PCDHA4: variants seen among roughly 807,000 people sequenced by gnomAD.
PCDHA4 encodes the protein protocadherin alpha-4.
PCDHA4 carries 49 observed loss-of-function variants against 61.4 expected under a neutral mutation model. The ratio of observed to expected loss-of-function variants is 0.80; its 90% CI spans 0.63 to 1.01. PCDHA4 has a LOEUF of 1.01. PCDHA4 is among the 50% of genes least tolerant of loss of function. The probability of loss-of-function intolerance (pLI) is 0.00; values close to 1 mark genes in which losing one functional copy is unlikely to be tolerated. For synonymous variants in PCDHA4, 590 were observed against 550.3 expected (o/e 1.07, Z -1.01); for missense variants, 1,254 against 1,235.8 (o/e 1.01, Z -0.22).
At chr5:140,876,155 T>A in intron 1 of PCDHA4, 1 of 1,613,994 alleles carries the variant, frequency 6.2e-7, no homozygotes, top group Non-Finnish European at 8.5e-7. Context: ...TCTGTCCAGA[T>A]TCAAATAACC....
rs2150227697 is a variant in PCDHA4 at position 140,834,836 on chromosome 5, G to C, written c.2385+25264G>C. The C allele has an allele frequency of 8.1e-6, 13 of 1,611,678 alleles. No individual in the cohort carries two copies. In the African/African-American group the frequency reaches 9.4e-5, roughly 12 times the overall value. Reference sequence around the variant, plus strand: ...CGGAATCCAGGCCGCTTGACTCTCGGTTTCCACTAGAGGGCGCGTCCGATG... The same window carrying C: ...CGGAATCCAGGCCGCTTGACTCTCGCTTTCCACTAGAGGGCGCGTCCGATG... On this transcript the variant is annotated intron_variant, in intron 1 of 3. Coordinates refer to ENST00000530339, the MANE Select transcript of PCDHA4 (RefSeq NM_018907.4).
At chr5:140,838,971 A>C (rs139822450) in intron 1 of PCDHA4, among the ~76,000 whole-genome samples, 1 of 152,152 alleles carries the variant, frequency 6.6e-6, no homozygotes, top group East Asian at 1.9e-4. Context: ...CAGAACTGAC[A>C]ATTTTCACTG....
intron 1 of PCDHA4, among the ~76,000 whole-genome samples, chr5:140,903,138 A>T (rs188809018): frequency 6.6e-6 from 1 of 152,258 alleles, no homozygotes; most frequent in East Asian, 1.9e-4. Context: ...AAATCTCCAA[A>T]CTGTTTTCCA....
intron 3 of PCDHA4, among the ~76,000 whole-genome samples, chr5:140,988,691 G>A (rs1205492528): frequency 6.6e-6 from 1 of 152,114 alleles, no homozygotes; most frequent in African/African-American, 2.4e-5. Context: ...TTCCCTAGAC[G>A]CTCTGTATTT....
chr5:140,884,802 A>G, intron 1 of PCDHA4: 1 of 1,232,140 alleles, frequency 8.1e-7, no homozygotes, highest in Non-Finnish European at 1.1e-6. Flanking sequence ...GAATTTAACA[A>G]CTCTGCTGTG....
chr5:140,807,475 C>T lies in PCDHA4; in HGVS notation c.288C>T (p.Cys96=). 1 of 1,612,934 alleles carries T rather than the reference C, an allele frequency of 6.2e-7. No individual in the cohort carries two copies. The highest frequency in any genetic ancestry group is 2.2e-5 in the East Asian group (1 of 44,830). The change falls in exon 1 of 4, where the codon TGC becomes TGT. Residue 96 remains cysteine (C), a synonymous_variant. Transcript: ENST00000530339. ...CTCGGATCGACCGGGAGGAGCTGTG[C>T]CGGCGGAGCGCGGAGTGCAGCATCC... ...VNSRIDREEL[C]RRSAECSIHL...
chr5:140,918,503 C>G (rs2078725431), intron 1 of PCDHA4, among the ~76,000 whole-genome samples: 1 of 152,056 alleles, frequency 6.6e-6, no homozygotes, highest in Non-Finnish European at 1.5e-5. Flanking sequence ...GGTACCAATC[C>G]TTTTAAACTT....
Position 140,896,583 on chromosome 5 carries a change from GC to G in PCDHA4, c.2386-82364del, listed in dbSNP as rs1194968470. The stretch of plus-strand genomic sequence containing the variant: ...GTAGAGATGGGGTTTTGACGTGTTG[GC>G]CAGGCTGGTCTCGAACTCCTGGTCT... On this transcript the variant is annotated intron_variant, in intron 1 of 3. Coordinates refer to ENST00000530339, the MANE Select transcript of PCDHA4 (RefSeq NM_018907.4). Among the ~76,000 whole-genome samples, 4 of 151,654 alleles carry G rather than the reference GC, an allele frequency of 2.6e-5. No individual in the cohort carries two copies. In the East Asian group the frequency reaches 7.8e-4, roughly 29 times the overall value.
At chr5:140,938,209 G>A (rs1210350140) in intron 1 of PCDHA4, among the ~76,000 whole-genome samples, 3 of 152,160 alleles carry the variant, frequency 2.0e-5, no homozygotes, top group Admixed American at 6.5e-5. Flanking sequence ...GCCTCCCAAA[G>A]TGCTGGGATT....
At chr5:140,827,456 A>T (rs1477893229) in intron 1 of PCDHA4, among the ~76,000 whole-genome samples, 4 of 152,224 alleles carry the variant, frequency 2.6e-5, no homozygotes, top group South Asian at 2.1e-4. Context: ...GAACCTTAAG[A>T]GCATCTGATA....
intron 1 of PCDHA4, among the ~76,000 whole-genome samples, chr5:140,838,081 T>TA (rs1554136867): frequency 2.0e-3 from 27 of 13,358 alleles, no homozygotes; most frequent in Middle Eastern, 0.036. Flanking sequence ...ATATATAGTG[T>TA]GTGTGTGTGT....
chr5:140,997,971 G>A (rs2097791982), intron 3 of PCDHA4, among the ~76,000 whole-genome samples: 3 of 152,086 alleles, frequency 2.0e-5, no homozygotes, highest in Admixed American at 2.0e-4. Context: ...CCTGTGGTTG[G>A]ACTGCACTTG....
intron 3 of PCDHA4, among the ~76,000 whole-genome samples, chr5:141,005,658 C>T (rs1014602554): frequency 6.9e-4 from 96 of 138,640 alleles, no homozygotes; most frequent in African/African-American, 2.4e-3. Flanking sequence ...GTCGAGATCG[C>T]GCCACTGCAC....
rs1325743256 is a variant in PCDHA4 at position 140,849,105 on chromosome 5, G to T, written c.2385+39533G>T. 6 of 1,455,392 alleles carry T rather than the reference G, an allele frequency of 4.1e-6. No individual in the cohort carries two copies. The East Asian group carries it at 1.4e-4, about 34-fold the overall frequency. 90.2% of individuals were successfully genotyped at this position (1,455,392 alleles called of 1,614,324 possible). ...ATTACGGAAACTTTTAGACAGAGAA[G>T]AAACTCCGGAGCTTCATTTATTGCT... On this transcript the variant is annotated intron_variant, in intron 1 of 3. Coordinates refer to ENST00000530339, the MANE Select transcript of PCDHA4 (RefSeq NM_018907.4).
intron 1 of PCDHA4, chr5:140,860,566 A>G (rs1385735814): frequency 6.6e-6 from 1 of 152,224 alleles, no homozygotes; most frequent in Non-Finnish European, 1.5e-5. Context: ...GGTACTGATC[A>G]TACACAAGAA....
chr5:140,849,171 G>A (rs1554142799), intron 1 of PCDHA4: 3 of 1,114,430 alleles, frequency 2.7e-6, no homozygotes, highest in South Asian at 1.5e-5. Context: ...GACTGGCACC[G>A]TTCAATTACT....
chr5:140,835,865 G>T, intron 1 of PCDHA4: 1 of 1,612,146 alleles, frequency 6.2e-7, no homozygotes. Flanking sequence ...CCTACTCGCT[G>T]GTGGAGCTGC....
chr5:140,821,611 G>A, intron 1 of PCDHA4: 1 of 799,408 alleles, frequency 1.3e-6, no homozygotes, highest in South Asian at 2.1e-5. Flanking sequence ...AATACAGTGA[G>A]TAGATTTTCC....
chr5:140,843,840 A>G, intron 1 of PCDHA4: 2 of 1,049,820 alleles, frequency 1.9e-6, no homozygotes, highest in South Asian at 1.6e-5. Flanking sequence ...TTTAGTTTTT[A>G]GAAACCTTTT....
Sources: allele counts gnomAD v4.1 joint callset (sites outside exome capture counted in the v4.1 genomes callset), GRCh38; gene constraint gnomAD v4.1.1; transcripts MANE v1.5; gene names NCBI Gene and HGNC (gene_info 2026-07-23, HGNC 2026-07-21).